The following UNC5A variants were observed in gnomAD, a reference collection of about 807,000 sequenced individuals.
UNC5A encodes the protein unc-5 netrin receptor A, also known as netrin receptor UNC5A.
UNC5A carries 20 observed loss-of-function variants against 87.4 expected under a neutral mutation model. The observed-to-expected ratio is 0.23, with a 90% confidence interval of 0.16 to 0.33. The LOEUF is 0.33. Among genes scored for constraint, UNC5A ranks in the 10% least tolerant of loss-of-function variants. UNC5A has a pLI of 1.00. For missense variants in UNC5A, 844 were observed against 1,133.4 expected (o/e 0.74, Z 3.67); for synonymous variants, 438 against 482.3 (o/e 0.91, Z 1.20).
chr5:176,876,983 G>A (rs1758276758), intron 8 of UNC5A, among the ~76,000 whole-genome samples: 1 of 152,176 alleles, frequency 6.6e-6, no homozygotes, highest in African/African-American at 2.4e-5. Context: ...TTCCCCACCT[G>A]GGTTCCCTCA....
intron 1 of UNC5A, among the ~76,000 whole-genome samples, chr5:176,837,332 C>T (rs919246990): frequency 1.3e-5 from 2 of 152,220 alleles, no homozygotes; most frequent in African/African-American, 2.4e-5. Flanking sequence ...CCGGTGAGGA[C>T]AGGAGCCTCT....
Position 176,875,992 on chromosome 5 carries a change from G to A in UNC5A, c.1379-1200G>A, listed in dbSNP as rs1258122871. ...TACAGAGACGCAGGCGAACAGTGGG[G>A]CCCGGCAGCCCTTGCTCTTCGCTCC... On this transcript the variant is annotated intron_variant, in intron 8 of 14. Coordinates refer to ENST00000329542, the MANE Select transcript of UNC5A (RefSeq NM_133369.3). This position sits in a 1 kb window ranked among gnomAD's most constrained non-coding sequence, Gnocchi z 5.2. 6.6e-6 allele frequency among the ~76,000 whole-genome samples: 1 copy of A among 152,254 alleles called. No homozygotes were observed. The highest frequency in any genetic ancestry group is 1.5e-5 in the Non-Finnish European group (1 of 68,050).
intron 1 of UNC5A, among the ~76,000 whole-genome samples, chr5:176,858,710 A>C (rs1387675729): frequency 2.1e-4 from 12 of 58,452 alleles, no homozygotes; most frequent in African/African-American, 7.4e-4. Context: ...CGAAAGAAAG[A>C]AAGAGAGAGA....
At chr5:176,872,790 CA>C (rs1214523080) in intron 6 of UNC5A, among the ~76,000 whole-genome samples, 1 of 123,142 alleles carries the variant, frequency 8.1e-6, no homozygotes, top group Non-Finnish European at 1.7e-5. Flanking sequence ...ACACCTGCCC[CA>C]ACACCACAGC....
rs571411845 is a variant in UNC5A, at chr5:176,830,000, G to A, written c.70+19180G>A. Among the ~76,000 whole-genome samples the A allele has an allele frequency of 1.1e-4, 16 of 150,258 alleles. No homozygotes were observed. In the East Asian group the frequency reaches 3.2e-3, roughly 30 times the overall value. Reference sequence around the variant, plus strand: ...AGCAATTCTCCCACCTTGGCCTCCCGAGTAGCTGGGATTAAAGGGGTGTGC... The same window carrying A: ...AGCAATTCTCCCACCTTGGCCTCCCAAGTAGCTGGGATTAAAGGGGTGTGC... On this transcript the variant is annotated intron_variant, in intron 1 of 14. Transcript: ENST00000329542.
At chr5:176,868,016 A>C (rs2149366291) in intron 2 of UNC5A, 114 bp from the exon 3 acceptor site, 4 of 856,404 alleles carry the variant, frequency 4.7e-6, no homozygotes, top group South Asian at 3.8e-5. Flanking sequence ...AAAAAAAAAA[A>C]CAAAGTCCAC....
At chr5:176,862,423 T>G (rs1388310676) in intron 1 of UNC5A, among the ~76,000 whole-genome samples, 1 of 152,210 alleles carries the variant, frequency 6.6e-6, no homozygotes, top group African/African-American at 2.4e-5. Flanking sequence ...GGCTGCTCCT[T>G]CCCTGCTTGT....
chr5:176,835,210 T>C (rs1273778561), intron 1 of UNC5A, among the ~76,000 whole-genome samples: 1 of 152,150 alleles, frequency 6.6e-6, no homozygotes, highest in African/African-American at 2.4e-5. Context: ...CACCTGGAGG[T>C]GAACATTGGC....
chr5:176,863,446 G>A (rs1757890943), intron 2 of UNC5A, among the ~76,000 whole-genome samples: 2 of 152,136 alleles, frequency 1.3e-5, no homozygotes, highest in Admixed American at 6.5e-5. Context: ...TGATTCAGGG[G>A]CCAGAGTTGG....
intron 1 of UNC5A, among the ~76,000 whole-genome samples, chr5:176,859,523 A>AATG (rs1757775762): frequency 3.2e-5 from 3 of 93,030 alleles, no homozygotes; most frequent in African/African-American, 9.5e-5. Context: ...TAGCTGCTAG[A>AATG]ATGTCCTTGC....
Position 176,878,716 on chromosome 5 carries a change from C to T in UNC5A, c.2184+77C>T, listed in dbSNP as rs1015871928. The T allele has an allele frequency of 2.9e-5, 44 of 1,506,336 alleles. No homozygotes were observed. In the Middle Eastern group the frequency reaches 6.8e-4, roughly 23 times the overall value. The allele number at this position is 1,506,336 out of a possible 1,614,324, so 93.3% of individuals were successfully genotyped here. Reference sequence around the variant, plus strand: ...CCCACCAGCCCCCAAAACGCTCCTGCCCTGCCTGCCCTGCCACCCACTCTC... The same window carrying T: ...CCCACCAGCCCCCAAAACGCTCCTGTCCTGCCTGCCCTGCCACCCACTCTC... On this transcript the variant is annotated intron_variant, in intron 13 of 14. Coordinates refer to ENST00000329542, the MANE Select transcript of UNC5A (RefSeq NM_133369.3).
chr5:176,859,649 CT>C (rs1273783579), intron 1 of UNC5A, among the ~76,000 whole-genome samples: 1 of 73,324 alleles, frequency 1.4e-5, no homozygotes, highest in East Asian at 3.1e-4. Flanking sequence ...CTAGAATGCC[CT>C]TGCTAGAGGG....
intron 1 of UNC5A, among the ~76,000 whole-genome samples, chr5:176,814,035 A>G (rs1756531516): frequency 6.6e-6 from 1 of 151,724 alleles, no homozygotes; most frequent in Non-Finnish European, 1.5e-5. Flanking sequence ...CACGCTTCAC[A>G]TCTAATATGT....
intron 1 of UNC5A, among the ~76,000 whole-genome samples, chr5:176,823,955 G>A (rs1025730491): frequency 1.3e-5 from 2 of 152,150 alleles, no homozygotes; most frequent in Admixed American, 6.5e-5. Flanking sequence ...GCGACCTCCC[G>A]CCATGGGGCC....
chr5:176,868,476 G>C (rs1758026928), intron 3 of UNC5A, 85 bp from the exon 4 acceptor site: 4 of 1,477,022 alleles, frequency 2.7e-6, no homozygotes, highest in Non-Finnish European at 3.7e-6. Context: ...ATGTGCCACG[G>C]CCCCTGCAGG....
At chr5:176,867,276 G>A (rs1460240379) in intron 2 of UNC5A, among the ~76,000 whole-genome samples, 1 of 152,062 alleles carries the variant, frequency 6.6e-6, no homozygotes, top group East Asian at 1.9e-4. Flanking sequence ...TGCTGCCCCC[G>A]CTCCTGAGTT....
chr5:176,817,294 AGG>A (rs1756611869), intron 1 of UNC5A, among the ~76,000 whole-genome samples: 1 of 147,086 alleles, frequency 6.8e-6, no homozygotes, highest in Non-Finnish European at 1.5e-5. Flanking sequence ...GGTGGGGGGA[AGG>A]CCGGGGGAAT....
intron 1 of UNC5A, among the ~76,000 whole-genome samples, chr5:176,811,742 T>G (rs914088314): frequency 3.3e-5 from 5 of 151,596 alleles, no homozygotes; most frequent in Non-Finnish European, 7.4e-5. Flanking sequence ...TCTGTGGTGG[T>G]GGGGGGTGGG....
intron 1 of UNC5A, among the ~76,000 whole-genome samples, chr5:176,829,361 ATGG>A: frequency 7.0e-6 from 1 of 142,660 alleles, no homozygotes; most frequent in African/African-American, 2.7e-5. Context: ...GGATGGATGG[ATGG>A]ATGGATAAAG....
Sources: gnomAD v4.1 joint callset for allele counts (sites outside exome capture counted in the v4.1 genomes callset) on GRCh38, gnomAD v4.1.1 for gene constraint, Gnocchi (gnomAD v3.1) non-coding constraint, MANE v1.5 for transcripts, NCBI Gene and HGNC (gene_info 2026-07-23, HGNC 2026-07-21) for gene names.